DISC1: variants seen among roughly 807,000 people sequenced by gnomAD.
DISC1 encodes the protein DISC1 scaffold protein.
In DISC1, 57 loss-of-function variants were observed where a neutral mutation model predicts 84.5. That is an observed-to-expected ratio of 0.67 (90% CI 0.55 to 0.84). DISC1 has a LOEUF of 0.84. Among genes scored for constraint, DISC1 ranks in the 40% least tolerant of loss-of-function variants. DISC1 has a pLI of 0.00. For missense variants in DISC1, 1,000 were observed against 1,057.8 expected (o/e 0.95, Z 0.76); for synonymous variants, 411 against 415.2 (o/e 0.99, Z 0.12).
intron 6 of DISC1, among the ~76,000 whole-genome samples, chr1:231,781,408 G>T (rs2077422564): frequency 6.6e-6 from 1 of 152,036 alleles, no homozygotes; most frequent in Admixed American, 6.6e-5. Context: ...CTTGTGATTT[G>T]TAGACTCATC....
At chr1:231,719,137 A>G (rs552967977) in intron 3 of DISC1, among the ~76,000 whole-genome samples, 31 of 152,244 alleles carry the variant, frequency 2.0e-4, no homozygotes, top group Non-Finnish European at 4.3e-4. Context: ...AAAAAACAAA[A>G]AAGACTTGGT....
intron 8 of DISC1, among the ~76,000 whole-genome samples, chr1:231,817,205 C>T (rs2081095233): frequency 6.6e-6 from 1 of 152,150 alleles, no homozygotes; most frequent in Admixed American, 6.5e-5. Flanking sequence ...CTGCCTCAGC[C>T]TCTTGAGTAG....
intron 1 of DISC1, among the ~76,000 whole-genome samples, chr1:231,690,953 T>G (rs73115147): frequency 0.011 from 1,747 of 152,256 alleles, 41 homozygotes; most frequent in African/African-American, 0.04. Context: ...TCATTCCCAC[T>G]TTTGGTAAAC....
At chr1:231,754,232 T>C (rs1407996131) in intron 4 of DISC1, among the ~76,000 whole-genome samples, 1 of 152,204 alleles carries the variant, frequency 6.6e-6, no homozygotes, top group African/African-American at 2.4e-5. Flanking sequence ...TCTGTATTAG[T>C]CCATTTTCAC....
At chr1:231,740,021 C>T (rs1341708056) in intron 3 of DISC1, among the ~76,000 whole-genome samples, 1 of 152,142 alleles carries the variant, frequency 6.6e-6, no homozygotes, top group African/African-American at 2.4e-5. Context: ...GGAATTAGTG[C>T]CCTTATACGA....
intron 6 of DISC1, chr1:231,774,790 AC>A (rs908383843): frequency 2.2e-6 from 1 of 455,842 alleles, no homozygotes; most frequent in African/African-American, 2.0e-5. Context: ...TTTGAAAGAA[AC>A]CAGTGTAGAA....
chr1:232,007,778 GA>G (rs1667637496), intron 10 of DISC1, among the ~76,000 whole-genome samples: 1 of 152,124 alleles, frequency 6.6e-6, no homozygotes, highest in Non-Finnish European at 1.5e-5. Context: ...GGGCTGGGGT[GA>G]AATGATATGG....
chr1:231,626,997 C>T, intron 1 of DISC1, 63 bp downstream of exon 1: 1 of 1,226,858 alleles, frequency 8.2e-7, no homozygotes, highest in Non-Finnish European at 1.1e-6. Flanking sequence ...AGGGCGCGCT[C>T]TGGCCCCCAG....
At chr1:231,793,189 G>A (rs1322784) in intron 6 of DISC1, among the ~76,000 whole-genome samples, 108,807 of 152,086 alleles carry the variant, frequency 0.72, 39,245 homozygotes, top group Admixed American at 0.77. Flanking sequence ...GCTTAGCTCC[G>A]ATACTTGGCA....
At chr1:231,792,003 G>T (rs1340643943) in intron 6 of DISC1, among the ~76,000 whole-genome samples, 1 of 152,110 alleles carries the variant, frequency 6.6e-6, no homozygotes, top group African/African-American at 2.4e-5. Flanking sequence ...TGGTTTGAGA[G>T]AATTCTTCTA....
intron 11 of DISC1, among the ~76,000 whole-genome samples, chr1:232,021,173 G>A (rs1425311663): frequency 6.6e-6 from 1 of 152,184 alleles, no homozygotes; most frequent in East Asian, 1.9e-4. Flanking sequence ...CATGATTTGA[G>A]CACCTTGCTC....
rs187447399 is a variant in DISC1, at chr1:231,840,704, T to G, written c.1981+22187T>G. 3.5e-3 allele frequency among the ~76,000 whole-genome samples: 538 copies of G among 151,712 alleles called. 1 individual carries two copies. The highest frequency in any genetic ancestry group is 0.014 in the Middle Eastern group (4 of 294). Reference sequence around the variant, plus strand: ...TGGTTTTGTTTTTATTTGTTTTTTTTTTTTTGTTGTTGTTGTTTTTTGAGA... The same window carrying G: ...TGGTTTTGTTTTTATTTGTTTTTTTGTTTTTGTTGTTGTTGTTTTTTGAGA... On this transcript the variant is annotated intron_variant, in intron 9 of 12. Coordinates refer to ENST00000439617, the MANE Select transcript of DISC1 (RefSeq NM_018662.3).
chr1:231,816,742 C>G (rs902148482), intron 8 of DISC1, among the ~76,000 whole-genome samples: 16 of 152,228 alleles, frequency 1.1e-4, no homozygotes, highest in African/African-American at 3.9e-4. Context: ...ACTGTTTATT[C>G]TATTCCATCG....
At chr1:231,988,228 T>G (rs1664729434) in intron 10 of DISC1, among the ~76,000 whole-genome samples, 4 of 152,174 alleles carry the variant, frequency 2.6e-5, no homozygotes, top group Admixed American at 2.6e-4. Context: ...ACTCCAAGTG[T>G]GGACTGCAGA....
chr1:231,938,109 G>A (rs1384352729), intron 9 of DISC1, among the ~76,000 whole-genome samples: 2 of 152,042 alleles, frequency 1.3e-5, no homozygotes, highest in South Asian at 2.1e-4. Context: ...TGCCTGATGT[G>A]GTAGGCAGAA....
At chr1:231,932,020 C>T (rs1430400008) in intron 9 of DISC1, among the ~76,000 whole-genome samples, 2 of 152,010 alleles carry the variant, frequency 1.3e-5, no homozygotes, top group Admixed American at 6.6e-5. Context: ...GTGTTTTTTG[C>T]TCAGTACTGA....
chr1:232,038,849 G>A lies in DISC1; in HGVS notation c.*2018G>A, dbSNP rs1300764819. On this transcript the variant is annotated 3_prime_UTR_variant, in exon 13 of 13. Transcript: ENST00000439617. ...GATCCACGGATATGAGACCATTTTT[G>A]TCATTTCCTGAAGTCACACTGGCGT... 1 of 152,116 alleles carries A rather than the reference G, an allele frequency of 6.6e-6. No individual in the cohort carries two copies. Among genetic ancestry groups the A allele is most frequent in the African/African-American group, 2.4e-5 (1 of 41,418 alleles). The allele number at this position is 152,116 out of a possible 1,614,324, so 9.4% of individuals were successfully genotyped here.
chr1:231,920,037 G>A (rs1394551327), intron 9 of DISC1, among the ~76,000 whole-genome samples: 9 of 152,208 alleles, frequency 5.9e-5, no homozygotes, highest in South Asian at 2.1e-4. Flanking sequence ...CCCGCGCATC[G>A]TAAGAGGTTT....
intron 9 of DISC1, chr1:231,925,730 G>A (rs1399403757): frequency 1.3e-5 from 2 of 152,192 alleles, no homozygotes; most frequent in Admixed American, 1.3e-4. Context: ...TATGAGAAAG[G>A]AGTGGGAGAT....
Sources: allele counts gnomAD v4.1 joint callset (sites outside exome capture counted in the v4.1 genomes callset), GRCh38; gene constraint gnomAD v4.1.1; transcripts MANE v1.5; gene names NCBI Gene and HGNC (gene_info 2026-07-23, HGNC 2026-07-21).